Variants in CYP4B1 observed in about 807,000 individuals in gnomAD.
CYP4B1 encodes the protein cytochrome P450 family 4 subfamily B member 1, also known as cytochrome P450 4B1.
In CYP4B1, 45 loss-of-function variants were observed where a neutral mutation model predicts 54.0. The ratio of observed to expected loss-of-function variants is 0.83; its 90% CI spans 0.66 to 1.07. CYP4B1 has a LOEUF of 1.07. Among genes scored for constraint, CYP4B1 ranks in the 50% least tolerant of loss-of-function variants. CYP4B1 has a pLI of 0.00. For missense variants in CYP4B1, 656 were observed against 655.4 expected, an observed-to-expected ratio of 1.00 and a Z score of -0.01; for synonymous variants, 248 against 247.5, an observed-to-expected ratio of 1.00 and a Z score of -0.02.
intron 8 of CYP4B1, among the ~76,000 whole-genome samples, chr1:46,815,990 A>G (rs1679318957): frequency 6.6e-6 from 1 of 152,156 alleles, no homozygotes; most frequent in African/African-American, 2.4e-5. Flanking sequence ...GAAAATGCTG[A>G]GCCAGAGGGG....
At chr1:46,815,797 A>G (rs1038465349) in intron 8 of CYP4B1, among the ~76,000 whole-genome samples, 11 of 152,194 alleles carry the variant, frequency 7.2e-5, no homozygotes, top group Non-Finnish European at 1.5e-4. Flanking sequence ...CTGAACTCCT[A>G]AACACTTAAG....
Position 46,818,654 on chromosome 1 carries a change from C to T in CYP4B1, c.1379C>T (p.Ala460Val). ...AGGAACTGCATTGGGCAGCAGTTTG[C>T]CATGAGTGAGATGAAGGTGGTCACA... is the stretch of plus-strand genomic sequence containing the variant. ...GPRNCIGQQF[A>V]MSEMKVVTAM... The change falls in exon 12 of 12, where the codon GCC (alanine) becomes GTC (valine). Residue 460 changes from alanine to valine, a missense_variant. Coordinates refer to ENST00000371923, the MANE Select transcript of CYP4B1 (RefSeq NM_001099772.2). 4 of 1,614,192 alleles carry T rather than the reference C, an allele frequency of 2.5e-6. No individual in the cohort carries two copies. Among genetic ancestry groups the T allele is most frequent in the Non-Finnish European group, 3.4e-6 (4 of 1,180,024 alleles).
intron 3 of CYP4B1, 158 bp from the exon 4 acceptor site, chr1:46,812,338 G>A: frequency 1.2e-6 from 1 of 805,182 alleles, no homozygotes; most frequent in Non-Finnish European, 2.1e-6. Context: ...CTGAGGTCCT[G>A]GTAGCCTAGG....
intron 1 of CYP4B1, among the ~76,000 whole-genome samples, chr1:46,809,387 C>T (rs1389343071): frequency 6.6e-6 from 1 of 152,188 alleles, no homozygotes; most frequent in Non-Finnish European, 1.5e-5. Flanking sequence ...AAGGTTTGGA[C>T]ATTTTTCCCT....
intron 9 of CYP4B1, chr1:46,817,397 C>T: frequency 8.4e-6 from 5 of 595,042 alleles, no homozygotes; most frequent in Non-Finnish European, 1.5e-5. Context: ...AGAAGAGTAT[C>T]TATGTTTCTA....
chr1:46,801,204 A>G (rs1047110220), intron 1 of CYP4B1, among the ~76,000 whole-genome samples: 41 of 152,160 alleles, frequency 2.7e-4, no homozygotes, highest in African/African-American at 9.9e-4. Context: ...AGGGACCAGG[A>G]GGGCTTGGGA....
Position 46,799,275 on chromosome 1 carries a change from G to T in CYP4B1, c.180+14G>T, listed in dbSNP as rs45518538. 5 of 1,563,190 alleles carry T rather than the reference G, an allele frequency of 3.2e-6. No homozygotes were observed. In the South Asian group the frequency reaches 4.7e-5, roughly 15 times the overall value. On this transcript the variant is annotated intron_variant, in intron 1 of 11. Coordinates refer to ENST00000371923, the MANE Select transcript of CYP4B1 (RefSeq NM_001099772.2). ...CATGCCCTCGAGGTATGTGGAGGTC[G>T]GGAGGGTGGGGGAGAAAGAAAACAT... is the stretch of plus-strand genomic sequence containing the variant.
intron 11 of CYP4B1, 111 bp downstream of exon 11, chr1:46,818,324 G>A: frequency 3.0e-6 from 3 of 1,012,970 alleles, no homozygotes; most frequent in Non-Finnish European, 4.5e-6. Flanking sequence ...AATCATGCTG[G>A]GTTTGTGGTG....
intron 8 of CYP4B1, among the ~76,000 whole-genome samples, chr1:46,816,003 A>C (rs1405969429): frequency 6.6e-6 from 1 of 152,062 alleles, no homozygotes; most frequent in Non-Finnish European, 1.5e-5. Context: ...CAGAGGGGGA[A>C]CTTTAGATCC....
chr1:46,806,245 A>G (rs1286019441), intron 1 of CYP4B1, among the ~76,000 whole-genome samples: 1 of 152,174 alleles, frequency 6.6e-6, no homozygotes, highest in East Asian at 1.9e-4. Flanking sequence ...GGGAACTATG[A>G]CATGCTGCCG....
At chr1:46,800,311 T>A (rs1678602600) in intron 1 of CYP4B1, among the ~76,000 whole-genome samples, 1 of 138,762 alleles carries the variant, frequency 7.2e-6, no homozygotes. Context: ...CTTTCCTTCC[T>A]TCTCTTTCTC....
intron 2 of CYP4B1, 76 bp from the exon 3 acceptor site, chr1:46,811,064 G>A: frequency 1.2e-6 from 2 of 1,604,292 alleles, no homozygotes; most frequent in Non-Finnish European, 1.7e-6. Context: ...CGGAGCTGAG[G>A]TTCCCACCCT....
intron 3 of CYP4B1, 75 bp downstream of exon 3, chr1:46,811,259 C>T: frequency 1.4e-6 from 2 of 1,469,838 alleles, no homozygotes; most frequent in Non-Finnish European, 1.9e-6. Context: ...CCTGGCCTGT[C>T]CCACTCAATT....
chr1:46,806,273 T>C (rs1678856689), intron 1 of CYP4B1, among the ~76,000 whole-genome samples: 1 of 152,212 alleles, frequency 6.6e-6, no homozygotes, highest in Admixed American at 6.5e-5. Flanking sequence ...AACCCCTTCG[T>C]CTTTCTCCTC....
At chr1:46,806,873 G>A (rs779835825) in intron 1 of CYP4B1, 13 of 152,268 alleles carry the variant, frequency 8.5e-5, no homozygotes, top group Non-Finnish European at 1.3e-4. Flanking sequence ...CAGGCATTCT[G>A]AGGGCGAGTC....
intron 3 of CYP4B1, 92 bp downstream of exon 3, chr1:46,811,276 C>T (rs1051511211): frequency 7.5e-7 from 1 of 1,334,050 alleles, no homozygotes; most frequent in Non-Finnish European, 1.1e-6. Context: ...AATTGGTTAT[C>T]CCAGATGGCC....
intron 1 of CYP4B1, among the ~76,000 whole-genome samples, chr1:46,803,061 G>A (rs1457624390): frequency 6.6e-6 from 1 of 152,250 alleles, no homozygotes; most frequent in Non-Finnish European, 1.5e-5. Flanking sequence ...GAGAGGATGA[G>A]GCTGGAGGTA....
intron 5 of CYP4B1, 87 bp downstream of exon 5, chr1:46,813,693 G>A: frequency 6.4e-7 from 1 of 1,572,556 alleles, no homozygotes; most frequent in Non-Finnish European, 8.6e-7. Context: ...TCTGATCTGA[G>A]AAGAGATAGG....
intron 5 of CYP4B1, 151 bp from the exon 6 acceptor site, chr1:46,813,758 G>T: frequency 2.8e-6 from 4 of 1,419,228 alleles, no homozygotes; most frequent in South Asian, 2.6e-5. Context: ...TCATGGTGGG[G>T]TAAACACCTG....
Sources: gnomAD v4.1 joint callset for allele counts (sites outside exome capture counted in the v4.1 genomes callset) on GRCh38, gnomAD v4.1.1 for gene constraint, MANE v1.5 for transcripts, NCBI Gene and HGNC (gene_info 2026-07-23, HGNC 2026-07-21) for gene names.